Variants in WDR3 observed in about 807,000 individuals in gnomAD.
WDR3 encodes WD repeat-containing protein 3.
WDR3 carries 81 observed loss-of-function variants against 123.7 expected under a neutral mutation model. The ratio of observed to expected loss-of-function variants is 0.65; its 90% CI spans 0.55 to 0.79. WDR3 has a LOEUF of 0.79. Among genes scored for constraint, WDR3 ranks in the 30% least tolerant of loss-of-function variants. The pLI is 0.00. For missense variants in WDR3, 1,027 were observed against 1,123.2 expected, an observed-to-expected ratio of 0.91 and a Z score of 1.22; for synonymous variants, 390 against 388.8, an observed-to-expected ratio of 1.00 and a Z score of -0.04.
intron 5 of WDR3, among the ~76,000 whole-genome samples, chr1:117,938,977 C>T (rs973499425): frequency 5.9e-5 from 9 of 152,132 alleles, no homozygotes; most frequent in Non-Finnish European, 1.0e-4. Flanking sequence ...ATCCTCAGTG[C>T]TTTATTCATA....
chr1:117,934,820 G>A lies in WDR3; in HGVS notation c.381+138G>A, dbSNP rs967585634. 21 of 835,350 alleles carry A rather than the reference G, an allele frequency of 2.5e-5. 1 individual carries two copies. The highest frequency in any genetic ancestry group is 3.4e-5 in the African/African-American group (2 of 58,034). The allele number at this position is 835,350 out of a possible 1,614,324, so 51.7% of individuals were successfully genotyped here. ...AGTAGTATAATGATAGAGTGAAGAG[G>A]ATGGGTGTGAATTGGGTGGTTCATT... On this transcript the variant is annotated intron_variant, in intron 3 of 26. Transcript: ENST00000349139.
rs1651263290 is a variant in WDR3 at position 117,943,618 on chromosome 1, A to G, written c.1320A>G (p.Ile440Met). 3 of 1,614,128 alleles carry G rather than the reference A, an allele frequency of 1.9e-6. No individual in the cohort carries two copies. The East Asian group carries it at 6.7e-5, about 36-fold the overall frequency. ...VLSAAADSIK[I>M]WNRSTLQCIR... is the part of the protein sequence containing the mutation. ...CAGCTGCAGCTGATTCCATTAAAAT[A>G]TGGAACAGGTTCGTGAAATGATGTT... Residue 440 changes from isoleucine to methionine, a missense_variant, in exon 11 of 27, where the codon ATA (isoleucine) becomes ATG (methionine). Ile to Met is a conservative substitution (Grantham distance 10). Transcript: ENST00000349139.
At chr1:117,954,493 T>C in intron 22 of WDR3, 87 bp from the exon 23 acceptor site, 1 of 1,338,182 alleles carries the variant, frequency 7.5e-7, no homozygotes, top group Non-Finnish European at 1.0e-6. Flanking sequence ...TTTTCAAAAT[T>C]ATAAAATACA....
intron 3 of WDR3, 29 bp downstream of exon 3, chr1:117,934,711 A>C: frequency 6.2e-7 from 1 of 1,610,582 alleles, no homozygotes; most frequent in Non-Finnish European, 8.5e-7. Flanking sequence ...CCAGGCTTTG[A>C]TCTATTAAAG....
In WDR3 at chr1:117,960,109, C is replaced by CGTGTGTGTAT. The variant is rs557563970; in HGVS notation, c.*670_*671insATGTGTGTGT. The CGTGTGTGTAT allele has an allele frequency of 4.6e-4, 66 of 144,500 alleles. No homozygotes were observed. The highest frequency in any genetic ancestry group is 1.5e-3 in the African/African-American group (58 of 38,004). The allele number at this position is 144,500 out of a possible 1,614,324, so 9.0% of individuals were successfully genotyped here. On this transcript the variant is annotated 3_prime_UTR_variant, in exon 27 of 27. Coordinates refer to ENST00000349139, the MANE Select transcript of WDR3 (RefSeq NM_006784.3). The stretch of plus-strand genomic sequence containing the variant: ...TGGGCTTCTGAGGAATTAATACACT[C>CGTGTGTGTAT]GTGTGTGTGTGTGTGTGTGTGTGTG...
intron 12 of WDR3, among the ~76,000 whole-genome samples, chr1:117,947,144 G>A (rs966725434): frequency 6.6e-6 from 1 of 152,020 alleles, no homozygotes; most frequent in Non-Finnish European, 1.5e-5. Flanking sequence ...TGACGTTACT[G>A]ACCCATTTCA....
At chr1:117,930,977 T>G (rs1297504942) in intron 1 of WDR3, among the ~76,000 whole-genome samples, 4 of 152,158 alleles carry the variant, frequency 2.6e-5, no homozygotes, top group African/African-American at 9.7e-5. Context: ...AGAGACAGAG[T>G]CTCACTGTCA....
rs868830494 is a variant in WDR3 at position 117,966,198 on chromosome 1, C to G, written c.*6751C>G. The G allele has an allele frequency of 1.9e-5, 3 of 155,284 alleles. No individual in the cohort carries two copies. Among genetic ancestry groups the G allele is most frequent in the Middle Eastern group, 3.1e-3 (1 of 322 alleles). 9.6% of individuals were successfully genotyped at this position (155,284 alleles called of 1,614,324 possible). A position where few individuals can be genotyped will look rare whatever the true frequency, so the allele number is the denominator to read the frequency against. On this transcript the variant is annotated 3_prime_UTR_variant, in exon 27 of 27. Coordinates refer to ENST00000349139, the MANE Select transcript of WDR3 (RefSeq NM_006784.3). ...CTTGGAGGTAATAGGTTCTTGATAT[C>G]TATCTAATATCTGTTTGGCTGAAGA...
At chr1:117,941,383 A>G (rs1443153313) in intron 8 of WDR3, among the ~76,000 whole-genome samples, 158 bp downstream of exon 8, 2 of 152,228 alleles carry the variant, frequency 1.3e-5, no homozygotes, top group East Asian at 3.8e-4. Flanking sequence ...TTATTAGCAT[A>G]ACAACAAAAA....
intron 8 of WDR3, among the ~76,000 whole-genome samples, 165 bp downstream of exon 8, chr1:117,941,390 A>G (rs1164463424): frequency 6.6e-6 from 1 of 152,224 alleles, no homozygotes; most frequent in African/African-American, 2.4e-5. Context: ...CATAACAACA[A>G]AAATATTAAT....
At chr1:117,953,930 G>C in intron 21 of WDR3, 77 bp from the exon 22 acceptor site, 1 of 1,260,480 alleles carries the variant, frequency 7.9e-7, no homozygotes, top group Non-Finnish European at 1.1e-6. Context: ...CAAATTTCTG[G>C]TCAGTTCTTC....
chr1:117,941,834 A>G lies in WDR3; in HGVS notation c.976A>G (p.Arg326Gly), dbSNP rs1296484034. The change falls in exon 9 of 27, where the codon AGA becomes GGA. Residue 326 changes from arginine to glycine, a missense_variant. By Grantham distance (125) the Arg-to-Gly change is moderately radical. Coordinates refer to ENST00000349139, the MANE Select transcript of WDR3 (RefSeq NM_006784.3). ...KKMDKKMKKARKKAKLHSSKG... is the reference protein window; with the variant it reads ...KKMDKKMKKAGKKAKLHSSKG... The stretch of plus-strand genomic sequence containing the variant: ...AATGGATAAGAAGATGAAGAAAGCT[A>G]GAAAGAAAGCAAAGTATGTTTTCTT... 1.9e-6 allele frequency: 3 copies of G among 1,609,508 alleles called. No homozygotes were observed. Among genetic ancestry groups the G allele is most frequent in the South Asian group, 1.1e-5 (1 of 89,860 alleles).
rs1224592487 is a variant in WDR3, at chr1:117,954,758, A to G, written c.2409+131A>G. Reference sequence around the variant, plus strand: ...CTTTGTCTTCAAAAGTCTCTTTTGAATCTTGGCATTCTCTAGGATATTTTG... The same window carrying G: ...CTTTGTCTTCAAAAGTCTCTTTTGAGTCTTGGCATTCTCTAGGATATTTTG... On this transcript the variant is annotated intron_variant, in intron 23 of 26. Transcript: ENST00000349139. 6.2e-6 allele frequency: 6 copies of G among 971,838 alleles called. No individual in the cohort carries two copies. In the East Asian group the frequency reaches 1.0e-4, roughly 16 times the overall value. The allele number at this position is 971,838 out of a possible 1,614,324, so 60.2% of individuals were successfully genotyped here.
intron 3 of WDR3, among the ~76,000 whole-genome samples, chr1:117,935,012 C>A (rs898319213): frequency 3.5e-4 from 53 of 152,142 alleles, no homozygotes; most frequent in African/African-American, 1.1e-3. Context: ...AATTATTTGC[C>A]ATTGACTTCT....
intron 16 of WDR3, among the ~76,000 whole-genome samples, chr1:117,951,681 G>C (rs1651617005): frequency 6.6e-6 from 1 of 151,902 alleles, no homozygotes; most frequent in African/African-American, 2.4e-5. Context: ...CCAGAGATTA[G>C]AAAATCTTTT....
In WDR3 at chr1:117,939,533, C is replaced by A. The variant is rs1414641225; in HGVS notation, c.636C>A (p.Asp212Glu). The A allele has an allele frequency of 1.2e-6, 2 of 1,613,650 alleles. No individual in the cohort carries two copies. Among genetic ancestry groups the A allele is most frequent in the Non-Finnish European group, 1.7e-6 (2 of 1,179,750 alleles). ...AGCGACTCATCACTGGGGCCTCAGA[C>A]AGTGAACTGAGGGTATGGGACATAG... The part of the protein sequence containing the change: ...EEKRLITGAS[D>E]SELRVWDIAY... Residue 212 changes from aspartate to glutamate, a missense_variant, in exon 6 of 27, where the codon GAC (aspartate) becomes GAA (glutamate). Transcript: ENST00000349139.
At chr1:117,954,195 G>C in intron 22 of WDR3, 96 bp downstream of exon 22, 1 of 995,606 alleles carries the variant, frequency 1.0e-6, no homozygotes, top group Non-Finnish European at 1.5e-6. Flanking sequence ...ATCAGGATAT[G>C]CAATAAATGG....
At chr1:117,941,982 A>G (rs915668146) in intron 9 of WDR3, 135 bp downstream of exon 9, 9 of 1,365,572 alleles carry the variant, frequency 6.6e-6, no homozygotes, top group African/African-American at 1.5e-5. Flanking sequence ...TGAGGTATCG[A>G]TAACCCAAAT....
chr1:117,959,695 T>G lies in WDR3; in HGVS notation c.*248T>G. 6.2e-6 allele frequency: 2 copies of G among 323,124 alleles called. No homozygotes were observed. 20.0% of individuals were successfully genotyped at this position (323,124 alleles called of 1,614,324 possible). A position where few individuals can be genotyped will look rare whatever the true frequency, so the allele number is the denominator to read the frequency against. ...TTTCTGTGCTCTCAAAGCTTGAGCCTTGCAGCTCAAGCTTGTTGTTCCCTT... is the reference window on the plus strand; with the variant it reads ...TTTCTGTGCTCTCAAAGCTTGAGCCGTGCAGCTCAAGCTTGTTGTTCCCTT... On this transcript the variant is annotated 3_prime_UTR_variant, in exon 27 of 27. Transcript: ENST00000349139.
Sources: allele counts gnomAD v4.1 joint callset (sites outside exome capture counted in the v4.1 genomes callset), GRCh38; gene constraint gnomAD v4.1.1; transcripts MANE v1.5; gene names NCBI Gene and HGNC (gene_info 2026-07-23, HGNC 2026-07-21).